CFH: variants seen among roughly 807,000 people sequenced by gnomAD.
CFH encodes H factor 1 (complement).
CFH carries 53 observed loss-of-function variants against 147.3 expected under a neutral mutation model. That is an observed-to-expected ratio of 0.36 (90% CI 0.29 to 0.45). The LOEUF is 0.45. Among genes scored for constraint, CFH ranks in the 20% least tolerant of loss-of-function variants. The pLI is 1.00. For missense variants in CFH, 1,380 were observed against 1,498.0 expected, an observed-to-expected ratio of 0.92 and a Z score of 1.30; for synonymous variants, 536 against 489.4, an observed-to-expected ratio of 1.10 and a Z score of -1.26.
In CFH at chr1:196,679,733, A is replaced by T; in HGVS notation, c.730A>T (p.Ser244Cys). The change falls in exon 6 of 22, where the codon AGT (serine) becomes TGT (cysteine). Residue 244 changes from serine (S) to cysteine (C), a missense_variant. Physicochemically the swap from Ser to Cys is moderately radical, Grantham distance 112. Around this residue, in one of 4 missense-constraint regions of CFH, gnomAD observed 167 missense variants for 228.0 expected, o/e 0.73. Coordinates refer to ENST00000367429, the MANE Select transcript of CFH (RefSeq NM_000186.4). Reference protein sequence around the residue: ...QYKCNMGYEYSERGDAVCTES... With the variant: ...QYKCNMGYEYCERGDAVCTES... ...TAAATGTAACATGGGTTATGAATAC[A>T]GTGAAAGAGGAGATGCTGTATGCAC... 6.2e-7 allele frequency: 1 copy of T among 1,611,964 alleles called. No homozygotes were observed. Among genetic ancestry groups the T allele is most frequent in the Non-Finnish European group, 8.5e-7 (1 of 1,178,630 alleles).
intron 1 of CFH, among the ~76,000 whole-genome samples, chr1:196,657,846 C>T (rs1038519762): frequency 2.0e-5 from 3 of 151,934 alleles, no homozygotes; most frequent in African/African-American, 4.8e-5. Flanking sequence ...AACAAAGAGA[C>T]CAACTTTAGT....
At chr1:196,675,853 G>T in intron 3 of CFH, 136 bp from the exon 4 acceptor site, 1 of 557,356 alleles carries the variant, frequency 1.8e-6, no homozygotes, top group Non-Finnish European at 3.2e-6. Context: ...AAACAAACAA[G>T]AAACAAGAAA....
At chr1:196,654,799 T>C (rs985972518) in intron 1 of CFH, among the ~76,000 whole-genome samples, 2 of 152,162 alleles carry the variant, frequency 1.3e-5, no homozygotes, top group Non-Finnish European at 2.9e-5. Context: ...CAGAAGACTT[T>C]ATAGATCAGA....
At chr1:196,734,978 C>T (rs1455790735) in intron 15 of CFH, among the ~76,000 whole-genome samples, 1 of 151,960 alleles carries the variant, frequency 6.6e-6, no homozygotes, top group African/African-American at 2.4e-5. Flanking sequence ...TCACTTTTCT[C>T]AATCTTAGGG....
chr1:196,668,474 A>G (rs61819914), intron 1 of CFH, among the ~76,000 whole-genome samples: 2,078 of 152,212 alleles, frequency 0.014, 19 homozygotes, highest in Non-Finnish European at 0.02. Context: ...TGTCTGTGAT[A>G]TGGTTTGGCT....
intron 15 of CFH, among the ~76,000 whole-genome samples, chr1:196,735,863 T>A (rs1300597438): frequency 1.3e-5 from 2 of 151,938 alleles, no homozygotes; most frequent in Admixed American, 1.3e-4. Context: ...TTTAATGAAG[T>A]TTTGTTCATC....
In CFH at chr1:196,685,082, C is replaced by T; in HGVS notation, c.809C>T (p.Pro270Leu). The T allele has an allele frequency of 1.2e-6, 2 of 1,609,836 alleles. No individual in the cohort carries two copies. The highest frequency in any genetic ancestry group is 1.7e-6 in the Non-Finnish European group (2 of 1,176,694). ...PSCEEKSCDN[P>L]YIPNGDYSPL... ...TTTTCAGAAAAATCATGTGATAATC[C>T]TTATATTCCAAATGGTGACTACTCA... The change falls in exon 7 of 22, where the codon CCT (proline) becomes CTT (leucine). Residue 270 changes from proline to leucine, a missense_variant. By Grantham distance (98) the Pro-to-Leu change is moderately conservative. Coordinates refer to ENST00000367429, the MANE Select transcript of CFH (RefSeq NM_000186.4).
intron 9 of CFH, among the ~76,000 whole-genome samples, chr1:196,703,462 T>C (rs1255274907): frequency 1.3e-5 from 2 of 152,190 alleles, no homozygotes; most frequent in Admixed American, 6.5e-5. Context: ...GGGCTTCTCC[T>C]GACCCAGACA....
rs1652779940 is a variant in CFH, at chr1:196,740,653, T to C, written c.2817T>C (p.His939=). 1 of 1,613,936 alleles carries C rather than the reference T, an allele frequency of 6.2e-7. No homozygotes were observed. The highest frequency in any genetic ancestry group is 8.5e-7 in the Non-Finnish European group (1 of 1,179,904). The change falls in exon 18 of 22, where the codon CAT becomes CAC. Residue 939 remains histidine, a synonymous_variant. Transcript: ENST00000367429. ...LPCKSPPEIS[H]GVVAHMSDSY... ...GTAAATCTCCACCTGAGATTTCTCA[T>C]GGTGTTGTAGCTCACATGTCAGACA...
intron 15 of CFH, among the ~76,000 whole-genome samples, chr1:196,734,584 G>C (rs1156949825): frequency 2.0e-5 from 3 of 152,004 alleles, no homozygotes; most frequent in Non-Finnish European, 4.4e-5. Flanking sequence ...GGGGTTGCAG[G>C]AGGCTTTGAA....
At chr1:196,708,703 T>C (rs1668652890) in intron 9 of CFH, among the ~76,000 whole-genome samples, 1 of 152,060 alleles carries the variant, frequency 6.6e-6, no homozygotes, top group Admixed American at 6.6e-5. Flanking sequence ...CAGACCCTCC[T>C]CTGTTAGGGC....
chr1:196,660,691 A>G (rs1485949245), intron 1 of CFH, among the ~76,000 whole-genome samples: 4 of 152,190 alleles, frequency 2.6e-5, no homozygotes, highest in Non-Finnish European at 5.9e-5. Flanking sequence ...TTTAAGTACT[A>G]TTTGAAGAGA....
intron 11 of CFH, among the ~76,000 whole-genome samples, chr1:196,723,402 T>C (rs1208950648): frequency 6.6e-6 from 1 of 152,174 alleles, no homozygotes; most frequent in Non-Finnish European, 1.5e-5. Context: ...AGTTATGTAC[T>C]GGGTGTATGA....
At chr1:196,736,432 T>C (rs560440921) in intron 15 of CFH, among the ~76,000 whole-genome samples, 10 of 152,218 alleles carry the variant, frequency 6.6e-5, no homozygotes, top group Non-Finnish European at 1.5e-4. Flanking sequence ...TCCTGATACA[T>C]TTGATTATAG....
intron 9 of CFH, among the ~76,000 whole-genome samples, chr1:196,703,100 G>A (rs145030779): frequency 6.6e-6 from 1 of 152,248 alleles, no homozygotes; most frequent in Non-Finnish European, 1.5e-5. Flanking sequence ...TGTATTTACT[G>A]ATCACAAGTT....
intron 9 of CFH, among the ~76,000 whole-genome samples, chr1:196,691,832 C>T (rs1668034184): frequency 6.6e-6 from 1 of 151,874 alleles, no homozygotes; most frequent in African/African-American, 2.4e-5. Context: ...AAACATAGAG[C>T]CACTATACTA....
Position 196,725,134 on chromosome 1 carries a change from A to G in CFH, c.1710A>G (p.Glu570=), listed in dbSNP as rs1669105644. The change falls in exon 12 of 22, where the codon GAA becomes GAG. Residue 570 remains glutamate, a synonymous_variant. Coordinates refer to ENST00000367429, the MANE Select transcript of CFH (RefSeq NM_000186.4). ...ACCTTTTTCAAGAAAGAGAATGCGA[A>G]CTTCCTAAAATAGATGTACACTTAG... is the stretch of plus-strand genomic sequence containing the variant. ...DLPICYEREC[E]LPKIDVHLVP... is the part of the protein sequence containing the mutation. 1.9e-6 allele frequency: 3 copies of G among 1,613,320 alleles called. No homozygotes were observed. The highest frequency in any genetic ancestry group is 1.3e-5 in the African/African-American group (1 of 75,026).
At chr1:196,701,665 T>C (rs561986255) in intron 9 of CFH, 70 of 308,674 alleles carry the variant, frequency 2.3e-4, no homozygotes, top group Non-Finnish European at 3.3e-4. Context: ...GGTCACTCTC[T>C]TTGAGGGCAT....
At chr1:196,677,778 T>C (rs1006803206) in intron 5 of CFH, 111 bp downstream of exon 5, 19 of 1,034,124 alleles carry the variant, frequency 1.8e-5, no homozygotes, top group Admixed American at 3.6e-5. Context: ...CTAATGTTTA[T>C]TGAGCACTTA....
Sources: gnomAD v4.1 joint callset for allele counts (sites outside exome capture counted in the v4.1 genomes callset) on GRCh38, gnomAD v4.1.1 for gene constraint, gnomAD v4.1.1 regional missense constraint, MANE v1.5 for transcripts, NCBI Gene and HGNC (gene_info 2026-07-23, HGNC 2026-07-21) for gene names.